RAP1A: variants seen among roughly 807,000 people sequenced by gnomAD.
RAP1A encodes the protein RAP1A, member of RAS oncogene family.
In RAP1A, 6 loss-of-function variants were observed where a neutral mutation model predicts 26.4. That is an observed-to-expected ratio of 0.23 (90% CI 0.12 to 0.45). The LOEUF (loss-of-function observed/expected upper bound fraction) is 0.45, where lower values mean the gene tolerates loss of function less well. Among genes scored for constraint, RAP1A ranks in the 20% least tolerant of loss-of-function variants. The pLI, the probability that RAP1A is intolerant of heterozygous loss-of-function variation, is 0.99. For missense variants in RAP1A, 121 were observed against 217.2 expected, an observed-to-expected ratio of 0.56 and a Z score of 2.78; for synonymous variants, 73 against 79.4, an observed-to-expected ratio of 0.92 and a Z score of 0.43.
At chr1:111,709,918 TG>T (rs1557900761) in intron 7 of RAP1A, among the ~76,000 whole-genome samples, 1 of 152,346 alleles carries the variant, frequency 6.6e-6, no homozygotes, top group East Asian at 1.9e-4. Context: ...GTTCTTTCTT[TG>T]GGGGAATTAG....
chr1:111,684,657 T>C (rs1197805228), intron 1 of RAP1A, among the ~76,000 whole-genome samples: 3 of 152,084 alleles, frequency 2.0e-5, no homozygotes, highest in Non-Finnish European at 4.4e-5. Context: ...GGAAAAACAT[T>C]CCATGCTCAT....
At chr1:111,687,554 A>G (rs1271807199) in intron 1 of RAP1A, among the ~76,000 whole-genome samples, 2 of 152,158 alleles carry the variant, frequency 1.3e-5, no homozygotes, top group Non-Finnish European at 2.9e-5. Context: ...GGGACTTACA[A>G]TATACTTCTT....
At position 111,607,264 on chromosome 1, in the gene RAP1A, A is replaced by T. The variant is rs1658804916; in HGVS notation, c.-28+64755A>T. ...CCTTCAAGCATCTGTTTAACAAAGC[A>T]CATCTTGCACTGCCCTTAATCCATT... On this transcript the variant is annotated intron_variant, in intron 1 of 7. Transcript: ENST00000356415. Among the ~76,000 whole-genome samples, 4 of 152,096 alleles carry T rather than the reference A, an allele frequency of 2.6e-5. No individual in the cohort carries two copies. In the South Asian group the frequency reaches 8.3e-4, roughly 32 times the overall value.
At position 111,563,747 on chromosome 1, in the gene RAP1A, C is replaced by T. The variant is rs150746282; in HGVS notation, c.-28+21238C>T. ...CTAGGACAAAGCATTGATTAAGTAGCTTGCCCCATATCATGAATAAATGTT... is the reference window on the plus strand; with the variant it reads ...CTAGGACAAAGCATTGATTAAGTAGTTTGCCCCATATCATGAATAAATGTT... On this transcript the variant is annotated intron_variant, in intron 1 of 7. Coordinates refer to the RAP1A transcript ENST00000356415. 6.0e-5 allele frequency: 49 copies of T among 812,054 alleles called. No homozygotes were observed. The East Asian group carries it at 1.2e-3, about 20-fold the overall frequency. 50.3% of individuals were successfully genotyped at this position (812,054 alleles called of 1,614,324 possible). A position where few individuals can be genotyped will look rare whatever the true frequency, so the allele number is the denominator to read the frequency against.
At chr1:111,643,391 C>T (rs1230142758) in intron 1 of RAP1A, among the ~76,000 whole-genome samples, 3 of 152,108 alleles carry the variant, frequency 2.0e-5, no homozygotes, top group Admixed American at 1.3e-4. Flanking sequence ...TTGGACATTC[C>T]TTCATTTTTA....
At chr1:111,578,426 G>T (rs1229992477) in intron 1 of RAP1A, among the ~76,000 whole-genome samples, 1 of 151,896 alleles carries the variant, frequency 6.6e-6, no homozygotes, top group East Asian at 1.9e-4. Flanking sequence ...GGAGTGGTTT[G>T]GTCAGACATA....
intron 1 of RAP1A, among the ~76,000 whole-genome samples, chr1:111,635,908 C>G (rs1389344350): frequency 6.6e-6 from 1 of 152,024 alleles, no homozygotes; most frequent in Non-Finnish European, 1.5e-5. Context: ...GGTAAAAGAT[C>G]CCTAGGGACT....
chr1:111,696,673 A>G (rs1661839169), intron 3 of RAP1A, among the ~76,000 whole-genome samples: 1 of 152,214 alleles, frequency 6.6e-6, no homozygotes, highest in East Asian at 1.9e-4. Flanking sequence ...TTAACTGCAA[A>G]GCAAGATCTG....
exon 1 of RAP1A, chr1:111,542,339 C>T (rs1461940529): frequency 7.1e-6 from 3 of 423,328 alleles, no homozygotes; most frequent in South Asian, 1.8e-5. Context: ...GTCTGTGTGG[C>T]TCCTTCCACG....
chr1:111,577,029 A>G (rs900622976), intron 1 of RAP1A, among the ~76,000 whole-genome samples: 4 of 152,168 alleles, frequency 2.6e-5, no homozygotes, highest in Non-Finnish European at 5.9e-5. Flanking sequence ...CCATGGGGCA[A>G]TCAGATGTGG....
chr1:111,660,818 C>T (rs1388366605), intron 1 of RAP1A, among the ~76,000 whole-genome samples: 1 of 152,182 alleles, frequency 6.6e-6, no homozygotes, highest in Non-Finnish European at 1.5e-5. Context: ...TCCTCATTGT[C>T]CTCCAATTAT....
At chr1:111,688,957 C>G (rs1661586212) in intron 1 of RAP1A, among the ~76,000 whole-genome samples, 1 of 151,890 alleles carries the variant, frequency 6.6e-6, no homozygotes, top group African/African-American at 2.4e-5. Flanking sequence ...ACCTCAGCCT[C>G]CCAAGTAGCT....
chr1:111,578,025 C>G (rs1658179613), intron 1 of RAP1A, among the ~76,000 whole-genome samples: 1 of 152,194 alleles, frequency 6.6e-6, no homozygotes, highest in Non-Finnish European at 1.5e-5. Flanking sequence ...AATCAAGTAT[C>G]TCAGGTGCTC....
intron 1 of RAP1A, among the ~76,000 whole-genome samples, chr1:111,593,084 A>G (rs1194198802): frequency 6.6e-6 from 1 of 151,498 alleles, no homozygotes; most frequent in Non-Finnish European, 1.5e-5. Flanking sequence ...GAGTGGGTGG[A>G]GGGGGCGGGG....
chr1:111,610,684 G>A (rs564522945), intron 1 of RAP1A, among the ~76,000 whole-genome samples: 9 of 152,260 alleles, frequency 5.9e-5, no homozygotes, highest in South Asian at 4.1e-4. Context: ...AAAAGCAGAC[G>A]TGGACAGAGT....
intron 1 of RAP1A, among the ~76,000 whole-genome samples, chr1:111,623,133 T>C (rs1659273925): frequency 6.6e-6 from 1 of 151,796 alleles, no homozygotes. Flanking sequence ...TTCTCCTGTC[T>C]CAGCCTCCCC....
chr1:111,690,358 T>A (rs1661630423), intron 1 of RAP1A, among the ~76,000 whole-genome samples: 3 of 152,246 alleles, frequency 2.0e-5, no homozygotes, highest in Non-Finnish European at 4.4e-5. Flanking sequence ...GAAGTTAGTC[T>A]GTGTGCTGGG....
At position 111,710,433 on chromosome 1, in the gene RAP1A, G is replaced by T. The variant is rs939122006; in HGVS notation, c.*29+1169G>T. On this transcript the variant is annotated intron_variant, in intron 7 of 7. Transcript: ENST00000369709. ...TCCCCTGAAGGTTTCTACTTAATCA[G>T]TTCTATAAATAATACCATAAAAGAT... 3.7e-4 allele frequency among the ~76,000 whole-genome samples: 56 copies of T among 152,174 alleles called. 1 individual carries two copies. The highest frequency in any genetic ancestry group is 3.7e-3 in the Admixed American group (56 of 15,276).
chr1:111,674,011 C>G (rs916230588), intron 1 of RAP1A, among the ~76,000 whole-genome samples: 1 of 152,134 alleles, frequency 6.6e-6, no homozygotes, highest in African/African-American at 2.4e-5. Context: ...TTTGTTGTTG[C>G]AGAATATCCA....
Sources: allele counts gnomAD v4.1 joint callset (sites outside exome capture counted in the v4.1 genomes callset), GRCh38; gene constraint gnomAD v4.1.1; transcripts MANE v1.5; gene names NCBI Gene and HGNC (gene_info 2026-07-23, HGNC 2026-07-21).